HSD17B3: variants seen among roughly 807,000 people sequenced by gnomAD.
HSD17B3 encodes 17-beta-hydroxysteroid dehydrogenase type 3.
A neutral mutation model predicts 41.1 loss-of-function variants in HSD17B3; 29 were observed. That is an observed-to-expected ratio of 0.71 (90% CI 0.53 to 0.96). HSD17B3 has a LOEUF of 0.96. HSD17B3 is among the 40% of genes least tolerant of loss of function. HSD17B3 has a pLI of 0.00. For missense variants in HSD17B3, 323 were observed against 374.6 expected (o/e 0.86, Z 1.14); for synonymous variants, 126 against 145.6 (o/e 0.87, Z 0.97).
At chr9:96,253,990 A>G (rs1587731055) in intron 3 of HSD17B3, among the ~76,000 whole-genome samples, 1 of 151,996 alleles carries the variant, frequency 6.6e-6, no homozygotes, top group Non-Finnish European at 1.5e-5. Flanking sequence ...AACAAGGCTC[A>G]CCCCTGACAG....
chr9:96,241,690 G>A (rs1441312404), intron 9 of HSD17B3, among the ~76,000 whole-genome samples: 1 of 152,076 alleles, frequency 6.6e-6, no homozygotes, highest in East Asian at 1.9e-4. Flanking sequence ...ATCCCAGCAT[G>A]TTGGGAGGCC....
At position 96,244,395 on chromosome 9, in the gene HSD17B3, C is replaced by T. The variant is rs730880305; in HGVS notation, c.607-1G>A. On this transcript the variant is annotated splice_acceptor_variant, in intron 8 of 10. Coordinates refer to ENST00000375263, the MANE Select transcript of HSD17B3 (RefSeq NM_000197.2). LOFTEE classifies it high-confidence loss of function. ...CCTTGGAAAATGCGCACACAAACGC[C>T]TGGAGCAAGAAGGAGAGACACCTGA... 3 of 1,614,020 alleles carry T rather than the reference C, an allele frequency of 1.9e-6. No individual in the cohort carries two copies. The highest frequency in any genetic ancestry group is 2.5e-6 in the Non-Finnish European group (3 of 1,180,030).
intron 8 of HSD17B3, among the ~76,000 whole-genome samples, 181 bp from the exon 9 acceptor site, chr9:96,244,575 C>T (rs937607428): frequency 2.0e-5 from 3 of 151,836 alleles, no homozygotes; most frequent in Non-Finnish European, 4.4e-5. Context: ...TTCTAGAGAT[C>T]TACTATACAG....
chr9:96,260,697 G>A (rs901201210), intron 2 of HSD17B3, among the ~76,000 whole-genome samples: 7 of 152,204 alleles, frequency 4.6e-5, no homozygotes, highest in South Asian at 2.1e-4. Flanking sequence ...TCCAGGAAGT[G>A]GAGGTTGTAG....
chr9:96,264,873 C>G (rs1825996714), intron 2 of HSD17B3, among the ~76,000 whole-genome samples: 1 of 152,140 alleles, frequency 6.6e-6, no homozygotes, highest in Non-Finnish European at 1.5e-5. Flanking sequence ...GCTAAGGCTA[C>G]CTTTAGCTTT....
At chr9:96,244,840 A>AAAAATG (rs1377798282) in intron 8 of HSD17B3, among the ~76,000 whole-genome samples, 2 of 152,250 alleles carry the variant, frequency 1.3e-5, no homozygotes, top group Admixed American at 1.3e-4. Flanking sequence ...GGGTAAGGGA[A>AAAAATG]AAAATGAACC....
At chr9:96,237,966 C>T (rs767050524) in intron 10 of HSD17B3, among the ~76,000 whole-genome samples, 12 of 151,650 alleles carry the variant, frequency 7.9e-5, no homozygotes, top group Non-Finnish European at 1.8e-4. Context: ...CCAGTCTCTA[C>T]CAAAAAAAAA....
At chr9:96,252,747 G>C in intron 4 of HSD17B3, 56 bp downstream of exon 4, 1 of 883,370 alleles carries the variant, frequency 1.1e-6, no homozygotes, top group Non-Finnish European at 1.9e-6. Flanking sequence ...ACTCATCAGT[G>C]TCAGGTTATT....
At chr9:96,254,344 C>T (rs755014347) in intron 3 of HSD17B3, among the ~76,000 whole-genome samples, 4 of 152,144 alleles carry the variant, frequency 2.6e-5, no homozygotes, top group African/African-American at 9.7e-5. Context: ...ACCGATCTTG[C>T]TTTTGAAGGG....
At chr9:96,268,223 C>T (rs1826113338) in intron 2 of HSD17B3, among the ~76,000 whole-genome samples, 1 of 152,152 alleles carries the variant, frequency 6.6e-6, no homozygotes, top group Non-Finnish European at 1.5e-5. Context: ...CGCGCCTGGC[C>T]TCTCCACTTA....
intron 10 of HSD17B3, 53 bp from the exon 11 acceptor site, chr9:96,235,623 A>C: frequency 2.9e-5 from 39 of 1,364,394 alleles, no homozygotes; most frequent in Non-Finnish European, 3.7e-5. Flanking sequence ...CAAGTACCTC[A>C]GTTCATCTTT....
chr9:96,263,847 C>A (rs1286127029), intron 2 of HSD17B3, among the ~76,000 whole-genome samples: 1 of 151,922 alleles, frequency 6.6e-6, no homozygotes, highest in East Asian at 1.9e-4. Context: ...TTTTTTGTAT[C>A]CTTTGATGGA....
intron 2 of HSD17B3, among the ~76,000 whole-genome samples, chr9:96,275,490 G>T (rs936317656): frequency 3.3e-5 from 5 of 152,026 alleles, no homozygotes; most frequent in African/African-American, 1.2e-4. Flanking sequence ...TGAGATGGGG[G>T]GATCACTTTA....
At chr9:96,262,102 GA>G (rs1825881907) in intron 2 of HSD17B3, among the ~76,000 whole-genome samples, 1 of 152,064 alleles carries the variant, frequency 6.6e-6, no homozygotes, top group South Asian at 2.1e-4. Flanking sequence ...CTTAGAAACA[GA>G]ATGGTCATGA....
chr9:96,242,079 A>G (rs1433548339), intron 9 of HSD17B3, among the ~76,000 whole-genome samples: 1 of 152,082 alleles, frequency 6.6e-6, no homozygotes, highest in African/African-American at 2.4e-5. Flanking sequence ...TTTTCTTCAC[A>G]TCACATTTGG....
At position 96,302,168 on chromosome 9, in the gene HSD17B3, C is replaced by T. The variant is rs907127544; in HGVS notation, c.-64G>A. On this transcript the variant is annotated 5_prime_UTR_variant, in exon 1 of 11. It adds an upstream start codon to the 5' untranslated region. Coordinates refer to ENST00000375263, the MANE Select transcript of HSD17B3 (RefSeq NM_000197.2). The stretch of plus-strand genomic sequence containing the variant: ...TCTCTGTGTATGCCTCCTGGGACCA[C>T]GCTGCTCTGGAGACCTCCAGATCTT... The T allele has an allele frequency of 1.0e-5, 16 of 1,552,974 alleles. No homozygotes were observed. Among genetic ancestry groups the T allele is most frequent in the Non-Finnish European group, 1.3e-5 (15 of 1,135,280 alleles).
Position 96,235,307 on chromosome 9 carries a change from A to G in HSD17B3, c.*153T>C, listed in dbSNP as rs1177518915. 1 of 684,794 alleles carries G rather than the reference A, an allele frequency of 1.5e-6. No individual in the cohort carries two copies. Among genetic ancestry groups the G allele is most frequent in the Non-Finnish European group, 2.7e-6 (1 of 373,644 alleles). The allele number at this position is 684,794 out of a possible 1,614,324, so 42.4% of individuals were successfully genotyped here. On this transcript the variant is annotated 3_prime_UTR_variant, in exon 11 of 11. Coordinates refer to ENST00000375263, the MANE Select transcript of HSD17B3 (RefSeq NM_000197.2). The stretch of plus-strand genomic sequence containing the variant: ...TTCCCAGAGATATTCAGACTCAAGT[A>G]AAGTGGCAAAAAATGTGTATTCTAT...
intron 2 of HSD17B3, among the ~76,000 whole-genome samples, chr9:96,295,447 G>T (rs1446899814): frequency 2.0e-5 from 3 of 151,896 alleles, no homozygotes; most frequent in Non-Finnish European, 2.9e-5. Flanking sequence ...CAATTCTCCT[G>T]CCTCAGCCTC....
chr9:96,298,349 G>T, intron 2 of HSD17B3, 67 bp downstream of exon 2: 1 of 1,197,400 alleles, frequency 8.4e-7, no homozygotes, highest in Non-Finnish European at 1.3e-6. Context: ...CTAGTGTTGG[G>T]GTGGATGTCT....
Sources: allele counts gnomAD v4.1 joint callset (sites outside exome capture counted in the v4.1 genomes callset), GRCh38; gene constraint gnomAD v4.1.1; transcripts MANE v1.5; gene names NCBI Gene and HGNC (gene_info 2026-07-23, HGNC 2026-07-21).